SNX5: variants seen among roughly 807,000 people sequenced by gnomAD.
The protein encoded by SNX5 is sorting nexin-5.
In SNX5, 31 loss-of-function variants were observed where a neutral mutation model predicts 53.9. That is an observed-to-expected ratio of 0.58 (90% confidence interval 0.43 to 0.78). The LOEUF (loss-of-function observed/expected upper bound fraction) is 0.78, where lower values mean the gene tolerates loss of function less well. Ranked by LOEUF, SNX5 falls within the 30% of genes least tolerant of loss-of-function variation. The pLI is 0.00. For missense variants in SNX5, 471 were observed against 478.8 expected (o/e 0.98, Z 0.15); for synonymous variants, 168 against 171.1 (o/e 0.98, Z 0.14).
In SNX5 at chr20:17,951,565, TCTC is replaced by T. The variant is rs1568590890; in HGVS notation, c.541_543del (p.Glu181del). On this transcript the variant is annotated inframe_deletion, in exon 6 of 13. Transcript: ENST00000377759. ...ACACTTTTGAAGAAGCCACCAAACA[TCTC>T]TTTAGTATTTTTCCGCCTAACACTT... 7 of 1,612,592 alleles carry T rather than the reference TCTC, an allele frequency of 4.3e-6. No homozygotes were observed. Among genetic ancestry groups the T allele is most frequent in the Middle Eastern group, 1.9e-4 (1 of 5,312 alleles).
At position 17,952,687 on chromosome 20, in the gene SNX5, T is replaced by C; in HGVS notation, c.413A>G (p.Lys138Arg). The C allele has an allele frequency of 2.5e-6, 4 of 1,613,986 alleles. No individual in the cohort carries two copies. The highest frequency in any genetic ancestry group is 3.4e-6 in the Non-Finnish European group (4 of 1,179,954). The stretch of plus-strand genomic sequence containing the variant: ...AAAGACTTCATGGGAGGACACAGTC[T>C]TCTTAAACACAGCGAGATACTCACT... ...LEAEYLAVFK[K>R]TVSSHEVFLQ... The change falls in exon 5 of 13, where the codon AAG becomes AGG. Residue 138 changes from lysine to arginine, a missense_variant. Transcript: ENST00000377759.
chr20:17,968,635 A>G lies in SNX5; in HGVS notation c.-210T>C, dbSNP rs771950195. 3.2e-6 allele frequency: 2 copies of G among 618,132 alleles called. No homozygotes were observed. Among genetic ancestry groups the G allele is most frequent in the South Asian group, 3.2e-5 (2 of 61,648 alleles). The allele number at this position is 618,132 out of a possible 1,614,324, so 38.3% of individuals were successfully genotyped here. A position where few individuals can be genotyped will look rare whatever the true frequency, so the allele number is the denominator to read the frequency against. On this transcript the variant is annotated 5_prime_UTR_variant, in exon 1 of 13. Coordinates refer to ENST00000377759, the MANE Select transcript of SNX5 (RefSeq NM_014426.4). ...AGCAGGGCGCCACGTGCTCCCCCAGAGCAGCCTCCCAGTCCCCGCTGCCGT... is the reference window on the plus strand; with the variant it reads ...AGCAGGGCGCCACGTGCTCCCCCAGGGCAGCCTCCCAGTCCCCGCTGCCGT...
Position 17,947,383 on chromosome 20 carries a change from T to G in SNX5, c.1078+103A>C, listed in dbSNP as rs901497022. 3 of 1,267,924 alleles carry G rather than the reference T, an allele frequency of 2.4e-6. 1 individual carries two copies. The South Asian group carries it at 4.3e-5, about 18-fold the overall frequency. The allele number at this position is 1,267,924 out of a possible 1,614,324, so 78.5% of individuals were successfully genotyped here. The stretch of plus-strand genomic sequence containing the variant: ...AGGCAGAGGGGTGAAGTGCTGACAC[T>G]GGGTGAAGGATACATGGGTGTTTTT... On this transcript the variant is annotated intron_variant, in intron 11 of 12. Coordinates refer to ENST00000377759, the MANE Select transcript of SNX5 (RefSeq NM_014426.4).
chr20:17,954,581 A>AATC (rs1458178874), intron 3 of SNX5, among the ~76,000 whole-genome samples: 3 of 152,242 alleles, frequency 2.0e-5, no homozygotes, highest in African/African-American at 7.2e-5. Flanking sequence ...ATGATTAAGC[A>AATC]ATCATCATTT....
In SNX5 at chr20:17,954,773, C is replaced by T. The variant is rs573557011; in HGVS notation, c.267+592G>A. 1.1e-4 allele frequency among the ~76,000 whole-genome samples: 17 copies of T among 152,244 alleles called. No homozygotes were observed. The South Asian group carries it at 2.9e-3, about 26-fold the overall frequency. On this transcript the variant is annotated intron_variant, in intron 3 of 12. Coordinates refer to ENST00000377759, the MANE Select transcript of SNX5 (RefSeq NM_014426.4). ...TCACCCAGGCTGGAGTGACGTGGCACGGCCTCGGCTTACTGCAACCTCTGC... is the reference window on the plus strand; with the variant it reads ...TCACCCAGGCTGGAGTGACGTGGCATGGCCTCGGCTTACTGCAACCTCTGC...
chr20:17,961,620 A>C, intron 1 of SNX5: 2 of 984,298 alleles, frequency 2.0e-6, no homozygotes, highest in Non-Finnish European at 2.4e-6. Flanking sequence ...TAGGATAAAA[A>C]AGACACATAT....
Position 17,942,410 on chromosome 20 carries a change from G to T in SNX5, c.1165-3C>A. The T allele has an allele frequency of 6.2e-7, 1 of 1,610,374 alleles. No homozygotes were observed. Among genetic ancestry groups the T allele is most frequent in the Non-Finnish European group, 8.5e-7 (1 of 1,176,736 alleles). ...CTCTGCAAAAGGGAGACATTGTTCT[G>T]TGGGGAAAAAAGGCAAGGCAGACCA... On this transcript the variant is annotated splice_region_variant and splice_polypyrimidine_tract_variant and intron_variant, in intron 12 of 12. Coordinates refer to ENST00000377759, the MANE Select transcript of SNX5 (RefSeq NM_014426.4).
intron 1 of SNX5, among the ~76,000 whole-genome samples, chr20:17,957,596 A>T (rs2035383557): frequency 1.3e-5 from 2 of 152,252 alleles, no homozygotes; most frequent in South Asian, 4.1e-4. Context: ...TGTCATGTAC[A>T]ATACATTTGG....
At chr20:17,953,655 A>G (rs2035304240) in intron 4 of SNX5, among the ~76,000 whole-genome samples, 1 of 152,224 alleles carries the variant, frequency 6.6e-6, no homozygotes, top group Non-Finnish European at 1.5e-5. Context: ...AGCTTCCGAA[A>G]GAAAAGCTTT....
intron 7 of SNX5, 40 bp downstream of exon 7, chr20:17,950,251 C>A: frequency 6.2e-7 from 1 of 1,612,094 alleles, no homozygotes; most frequent in South Asian, 1.1e-5. Context: ...CACAGCCAGG[C>A]TCATCAGCAA....
At chr20:17,961,343 G>A (rs891383100) in intron 1 of SNX5, 8 of 985,252 alleles carry the variant, frequency 8.1e-6, no homozygotes, top group Non-Finnish European at 9.6e-6. Context: ...AACACAAAAG[G>A]CAAGATTCTA....
rs1174739093 is a variant in SNX5, at chr20:17,947,479, G to A, written c.1078+7C>T. The A allele has an allele frequency of 6.2e-7, 1 of 1,611,576 alleles. No individual in the cohort carries two copies. Among genetic ancestry groups the A allele is most frequent in the African/African-American group, 1.3e-5 (1 of 74,754 alleles). On this transcript the variant is annotated splice_region_variant and intron_variant, in intron 11 of 12. Coordinates refer to ENST00000377759, the MANE Select transcript of SNX5 (RefSeq NM_014426.4). ...TACAGTACAGAAAGAAGAATGTCCT[G>A]CTCAACCTTCTTTTGCAGATTCGGA...
intron 1 of SNX5, among the ~76,000 whole-genome samples, chr20:17,957,788 G>T (rs757193484): frequency 9.2e-5 from 14 of 152,186 alleles, no homozygotes; most frequent in Non-Finnish European, 1.9e-4. Context: ...TGGGTGGAGA[G>T]TTCAGAGTAA....
intron 1 of SNX5, among the ~76,000 whole-genome samples, chr20:17,960,248 G>A (rs1600350589): frequency 6.6e-6 from 1 of 152,130 alleles, no homozygotes; most frequent in African/African-American, 2.4e-5. Context: ...ATCACTTGAG[G>A]TCAGGAGATC....
intron 11 of SNX5, among the ~76,000 whole-genome samples, chr20:17,946,566 A>G (rs62208130): frequency 0.1 from 15,156 of 152,268 alleles, 849 homozygotes; most frequent in Middle Eastern, 0.18. Context: ...TAATAAAGAT[A>G]AAGGAAATTT....
chr20:17,942,828 C>A, intron 12 of SNX5: 1 of 384,920 alleles, frequency 2.6e-6, no homozygotes, highest in Non-Finnish European at 4.6e-6. Context: ...GAGGCCAAGG[C>A]AGGTGGATCA....
intron 1 of SNX5, among the ~76,000 whole-genome samples, chr20:17,960,607 AAAC>A (rs2035430830): frequency 6.6e-6 from 1 of 150,876 alleles, no homozygotes; most frequent in African/African-American, 2.4e-5. Flanking sequence ...AAAAACAAAC[AAAC>A]AAAAAAACAC....
intron 1 of SNX5, among the ~76,000 whole-genome samples, chr20:17,959,030 A>G (rs1174123954): frequency 6.6e-6 from 1 of 152,232 alleles, no homozygotes; most frequent in East Asian, 1.9e-4. Flanking sequence ...AAAAACTGCC[A>G]CATTTCCTAA....
rs375572880 is a variant in SNX5 at position 17,957,225 on chromosome 20, G to A, written c.52-188C>T. Among the ~76,000 whole-genome samples, 10 of 151,996 alleles carry A rather than the reference G, an allele frequency of 6.6e-5. No homozygotes were observed. The East Asian group carries it at 1.2e-3, about 18-fold the overall frequency. ...CCAAGGCGGGTGGTTCACAGGGTCA[G>A]GAGATGGAGACCATCCTGGCTAACA... On this transcript the variant is annotated intron_variant, in intron 1 of 12. Coordinates refer to ENST00000377759, the MANE Select transcript of SNX5 (RefSeq NM_014426.4).
Sources: allele counts gnomAD v4.1 joint callset (sites outside exome capture counted in the v4.1 genomes callset), GRCh38; gene constraint gnomAD v4.1.1; transcripts MANE v1.5; gene names NCBI Gene and HGNC (gene_info 2026-07-23, HGNC 2026-07-21).